The following LRP5 variants were observed in gnomAD, a reference collection of about 807,000 sequenced individuals.
LRP5 encodes low-density lipoprotein receptor-related protein 5.
LRP5 carries 62 observed loss-of-function variants against 154.1 expected under a neutral mutation model. That is an observed-to-expected ratio of 0.40 (90% CI 0.33 to 0.50). The LOEUF (loss-of-function observed/expected upper bound fraction) is 0.50, where lower values mean the gene tolerates loss of function less well. Ranked by LOEUF, LRP5 falls within the 20% of genes least tolerant of loss-of-function variation. LRP5 has a pLI of 0.55. For missense variants in LRP5, 1,915 were observed against 2,336.7 expected (o/e 0.82, Z 3.72); for synonymous variants, 966 against 1,011.5 (o/e 0.96, Z 0.85).
chr11:68,419,696 C>T (rs1252574316), intron 13 of LRP5, among the ~76,000 whole-genome samples: 1 of 152,050 alleles, frequency 6.6e-6, no homozygotes, highest in East Asian at 1.9e-4. Flanking sequence ...GTGCCCATCA[C>T]TATGCCTGGC....
chr11:68,409,073 A>T (rs7926206), intron 9 of LRP5, among the ~76,000 whole-genome samples: 37,651 of 43,696 alleles, frequency 0.86, 16,688 homozygotes, highest in Middle Eastern at 0.95. Context: ...AAAAAAAAAA[A>T]ATATATATAT....
rs1307165520 is a variant in LRP5, at chr11:68,312,766, C to CTGT, written c.54_55insTTG (p.Leu20dup). 8.3e-6 allele frequency: 9 copies of CTGT among 1,088,694 alleles called. No individual in the cohort carries two copies. The African/African-American group carries it at 1.5e-4, about 19-fold the overall frequency. The allele number at this position is 1,088,694 out of a possible 1,614,324, so 67.4% of individuals were successfully genotyped here. On this transcript the variant is annotated inframe_insertion, in exon 1 of 23. Coordinates refer to ENST00000294304, the MANE Select transcript of LRP5 (RefSeq NM_002335.4). ...GTGGCCGCTGCTGCTGCTGCTGCTG[C>CTGT]TGCTGCTGGCGCTGTGCGGCTGCCC...
chr11:68,368,651 G>C (rs2098632397), intron 5 of LRP5, among the ~76,000 whole-genome samples: 1 of 152,170 alleles, frequency 6.6e-6, no homozygotes, highest in African/African-American at 2.4e-5. Context: ...CTCTTGGTGT[G>C]TCTGTCTCCA....
At chr11:68,448,093 G>A (rs891069097) in intron 22 of LRP5, among the ~76,000 whole-genome samples, 2 of 152,244 alleles carry the variant, frequency 1.3e-5, no homozygotes, top group African/African-American at 2.4e-5. Context: ...GGAGGAGCAA[G>A]TCACATCTTA....
intron 18 of LRP5, among the ~76,000 whole-genome samples, chr11:68,434,513 G>A (rs1328772314): frequency 6.6e-6 from 1 of 152,120 alleles, no homozygotes; most frequent in Non-Finnish European, 1.5e-5. Flanking sequence ...CCGAGTAGCT[G>A]GGATGACAGG....
At chr11:68,365,225 TG>T in intron 4 of LRP5, among the ~76,000 whole-genome samples, 1 of 151,280 alleles carries the variant, frequency 6.6e-6, no homozygotes, top group South Asian at 2.1e-4. Context: ...TCCGAGGAGC[TG>T]GGGAGGGTGT....
At chr11:68,398,556 C>G (rs1422042471) in intron 7 of LRP5, among the ~76,000 whole-genome samples, 1 of 151,898 alleles carries the variant, frequency 6.6e-6, no homozygotes, top group Non-Finnish European at 1.5e-5. Flanking sequence ...GAGCAGGAGT[C>G]GAGAGCTACG....
the LRP5 span, among the ~76,000 whole-genome samples, chr11:68,299,034 T>C: frequency 6.6e-6 from 1 of 152,164 alleles, no homozygotes; most frequent in East Asian, 1.9e-4. Flanking sequence ...GCCGTCCCGA[T>C]CTTGCCCCTA....
At chr11:68,306,580 A>G in the LRP5 span, among the ~76,000 whole-genome samples, 174 of 152,360 alleles carry the variant, frequency 1.1e-3, no homozygotes, top group Admixed American at 2.8e-3. Context: ...CACAGGTCCC[A>G]GGGATTAGGA....
chr11:68,316,279 AT>A (rs979851740), intron 1 of LRP5, among the ~76,000 whole-genome samples: 137 of 148,744 alleles, frequency 9.2e-4, no homozygotes, highest in African/African-American at 3.1e-3. Context: ...TCAGCCTTTT[AT>A]TTTTTTTTTG....
At chr11:68,360,963 C>T (rs1368013168) in intron 3 of LRP5, among the ~76,000 whole-genome samples, 1 of 118,088 alleles carries the variant, frequency 8.5e-6, no homozygotes, top group Non-Finnish European at 1.6e-5. Context: ...CGCCACTGCA[C>T]TCCAGCCTGG....
chr11:68,332,377 C>G (rs1212045612), intron 1 of LRP5, among the ~76,000 whole-genome samples: 1 of 152,252 alleles, frequency 6.6e-6, no homozygotes, highest in Non-Finnish European at 1.5e-5. Context: ...GTGCTCGGCC[C>G]CAGCACCCGG....
rs777141177 is a variant in LRP5, at chr11:68,406,610, G to A, written c.1888G>A (p.Gly630Ser). The A allele has an allele frequency of 1.1e-5, 18 of 1,614,136 alleles. No homozygotes were observed. Among genetic ancestry groups the A allele is most frequent in the Non-Finnish European group, 1.0e-5 (12 of 1,180,042 alleles). Residue 630 changes from glycine to serine, a missense_variant, in exon 9 of 23, where the codon GGC becomes AGC. Transcript: ENST00000294304. Reference protein sequence around the residue: ...PHATRCGCPIGLELLSDMKTC... With the variant: ...PHATRCGCPISLELLSDMKTC... ...CGCAACCCGGTGTGGCTGCCCCATC[G>A]GCCTGGAGCTGCTGAGTGACATGAA...
chr11:68,330,187 G>T (rs111642587), intron 1 of LRP5, among the ~76,000 whole-genome samples: 5 of 152,224 alleles, frequency 3.3e-5, no homozygotes, highest in African/African-American at 1.2e-4. Flanking sequence ...AGCCCTGGTG[G>T]CCTGTTTCCT....
At chr11:68,330,047 T>C (rs2098601845) in intron 1 of LRP5, among the ~76,000 whole-genome samples, 1 of 152,240 alleles carries the variant, frequency 6.6e-6, no homozygotes, top group South Asian at 2.1e-4. Flanking sequence ...AAATGTCATA[T>C]TCCCTAGCAG....
At chr11:68,387,289 A>G (rs1281612676) in intron 6 of LRP5, among the ~76,000 whole-genome samples, 1 of 151,752 alleles carries the variant, frequency 6.6e-6, no homozygotes, top group African/African-American at 2.4e-5. Flanking sequence ...TAATGTTTGT[A>G]TTTTTGGTAG....
chr11:68,365,886 G>C (rs1038723418), intron 5 of LRP5, among the ~76,000 whole-genome samples, 184 bp downstream of exon 5: 2 of 152,190 alleles, frequency 1.3e-5, no homozygotes, highest in Non-Finnish European at 2.9e-5. Context: ...AGGATTGCTT[G>C]AGCCCAGGAG....
chr11:68,400,279 C>T (rs2098651921), intron 7 of LRP5, among the ~76,000 whole-genome samples: 2 of 152,288 alleles, frequency 1.3e-5, no homozygotes, highest in Non-Finnish European at 2.9e-5. Flanking sequence ...CTTGGGCCCT[C>T]TGTGGGCTCC....
rs140245148 is a variant in LRP5, at chr11:68,348,377, C to T, written c.488+134C>T. 0.04 allele frequency: 41,949 copies of T among 1,054,572 alleles called. 1,158 individuals carry two copies. Among genetic ancestry groups the T allele is most frequent in the Admixed American group, 0.11 (3,435 of 31,994 alleles). The allele number at this position is 1,054,572 out of a possible 1,614,324, so 65.3% of individuals were successfully genotyped here. A position where few individuals can be genotyped will look rare whatever the true frequency, so the allele number is the denominator to read the frequency against. Reference sequence around the variant, plus strand: ...GAAAATGAACCCGTGGGGGGGTTGGCTCAGGCCTGTAACCCCAGCACTCGG... The same window carrying T: ...GAAAATGAACCCGTGGGGGGGTTGGTTCAGGCCTGTAACCCCAGCACTCGG... On this transcript the variant is annotated intron_variant, in intron 2 of 22. Transcript: ENST00000294304.
Sources: allele counts gnomAD v4.1 joint callset (sites outside exome capture counted in the v4.1 genomes callset), GRCh38; gene constraint gnomAD v4.1.1; transcripts MANE v1.5; gene names NCBI Gene and HGNC (gene_info 2026-07-23, HGNC 2026-07-21).